EYS: variants seen among roughly 807,000 people sequenced by gnomAD.
The protein encoded by EYS is EGF-like photoreceptor maintenance factor.
A neutral mutation model predicts 282.1 loss-of-function variants in EYS; 250 were observed. That is an observed-to-expected ratio of 0.89 (90% CI 0.80 to 0.98). The LOEUF (loss-of-function observed/expected upper bound fraction) is 0.98. Ranked by LOEUF, EYS falls within the 50% of genes least tolerant of loss-of-function variation. EYS has a pLI of 0.00. For missense variants in EYS, 4,016 were observed against 3,709.0 expected (o/e 1.08, Z -2.15); for synonymous variants, 1,355 against 1,282.9 (o/e 1.06, Z -1.20).
At chr6:63,884,320 T>C (rs1581932381) in intron 35 of EYS, among the ~76,000 whole-genome samples, 1 of 151,950 alleles carries the variant, frequency 6.6e-6, no homozygotes, top group South Asian at 2.1e-4. Flanking sequence ...AAAAAAAAAT[T>C]CAAATTTTAG....
At chr6:65,396,606 T>C (rs9363355) in intron 7 of EYS, among the ~76,000 whole-genome samples, 43,377 of 152,004 alleles carry the variant, frequency 0.29, 6,319 homozygotes, top group Middle Eastern at 0.36. Context: ...TTCTGACGGG[T>C]ATATGAGTAA....
chr6:65,174,016 G>A (rs772383921), intron 12 of EYS, among the ~76,000 whole-genome samples: 1 of 150,918 alleles, frequency 6.6e-6, no homozygotes, highest in Non-Finnish European at 1.5e-5. Flanking sequence ...CATAAAGATT[G>A]AATAAAATGA....
intron 29 of EYS, among the ~76,000 whole-genome samples, chr6:64,311,686 A>G (rs1410550772): frequency 1.3e-5 from 2 of 152,196 alleles, no homozygotes; most frequent in East Asian, 1.9e-4. Flanking sequence ...AGTTCATCTC[A>G]TTGGGACTGG....
intron 30 of EYS, among the ~76,000 whole-genome samples, chr6:64,302,598 G>A (rs145040490): frequency 8.6e-5 from 13 of 151,814 alleles, no homozygotes; most frequent in African/African-American, 3.1e-4. Flanking sequence ...TGTCACACGT[G>A]GAATATCCAA....
chr6:64,407,422 A>G (rs189657899), intron 28 of EYS, among the ~76,000 whole-genome samples: 1 of 152,156 alleles, frequency 6.6e-6, no homozygotes, highest in Non-Finnish European at 1.5e-5. Context: ...CATTCTACAC[A>G]TGTACCCCAG....
At chr6:64,369,100 T>C (rs1266489829) in intron 29 of EYS, among the ~76,000 whole-genome samples, 1 of 152,090 alleles carries the variant, frequency 6.6e-6, no homozygotes, top group Non-Finnish European at 1.5e-5. Flanking sequence ...GGAAAGGGTC[T>C]AGTTCCAATC....
chr6:65,271,316 A>C (rs188135974), intron 12 of EYS, among the ~76,000 whole-genome samples: 1 of 151,282 alleles, frequency 6.6e-6, no homozygotes, highest in Non-Finnish European at 1.5e-5. Flanking sequence ...AGGCATGAGA[A>C]CCAGAAGCAC....
intron 29 of EYS, among the ~76,000 whole-genome samples, chr6:64,384,728 T>C (rs2038575470): frequency 1.3e-5 from 2 of 152,142 alleles, no homozygotes; most frequent in Admixed American, 1.3e-4. Context: ...AGGCATTTAC[T>C]CTCAGACCTT....
intron 7 of EYS, among the ~76,000 whole-genome samples, chr6:65,386,613 C>T (rs557625920): frequency 6.6e-6 from 1 of 151,786 alleles, no homozygotes; most frequent in Middle Eastern, 3.2e-3. Flanking sequence ...ACAGAGAAAA[C>T]AAAAGCAAAG....
intron 31 of EYS, among the ~76,000 whole-genome samples, chr6:64,124,451 G>A (rs1284036699): frequency 6.6e-6 from 1 of 152,176 alleles, no homozygotes. Context: ...TGTAACATAT[G>A]GATCTGACCT....
intron 35 of EYS, among the ~76,000 whole-genome samples, chr6:63,876,795 C>CT (rs914651907): frequency 4.0e-5 from 6 of 151,322 alleles, no homozygotes; most frequent in African/African-American, 9.7e-5. Flanking sequence ...GCAACCCCTG[C>CT]TTTTTTTTTG....
intron 15 of EYS, among the ~76,000 whole-genome samples, chr6:64,937,058 T>C (rs1768931407): frequency 6.6e-6 from 1 of 151,496 alleles, no homozygotes; most frequent in South Asian, 2.1e-4. Flanking sequence ...AATAGTATTT[T>C]TAAGAAATTA....
In EYS at chr6:64,591,835, A is replaced by T; in HGVS notation, c.4032T>A (p.Asp1344Glu). 1 of 1,551,312 alleles carries T rather than the reference A, an allele frequency of 6.4e-7. No homozygotes were observed. Among genetic ancestry groups the T allele is most frequent in the South Asian group, 1.2e-5 (1 of 84,048 alleles). The change falls in exon 26 of 43, where the codon GAT (aspartate) becomes GAA (glutamate). Residue 1344 changes from aspartate (D) to glutamate (E), a missense_variant. By Grantham distance (45) the Asp-to-Glu change is conservative. Coordinates refer to ENST00000503581, the MANE Select transcript of EYS (RefSeq NM_001142800.2). ...SAKHSLLSSADVSSSRFLNFG... is the reference protein window; with the variant it reads ...SAKHSLLSSAEVSSSRFLNFG... ...AATTCAGGAATCGAGAAGAGGAAAC[A>T]TCTGCGGAAGAAAGAAGACTGTGTT...
At chr6:65,330,943 G>A in intron 11 of EYS, 1 of 984,248 alleles carries the variant, frequency 1.0e-6, no homozygotes, top group African/African-American at 1.7e-5. Flanking sequence ...ATGTTCAAAT[G>A]AGATTATAGC....
intron 31 of EYS, among the ~76,000 whole-genome samples, chr6:64,092,654 C>T (rs1772412376): frequency 6.6e-6 from 1 of 151,984 alleles, no homozygotes; most frequent in Non-Finnish European, 1.5e-5. Flanking sequence ...TGGATATTAG[C>T]CCTTTGTCAG....
intron 19 of EYS, among the ~76,000 whole-genome samples, chr6:64,842,279 T>A (rs1765585553): frequency 6.6e-6 from 1 of 151,354 alleles, no homozygotes; most frequent in Admixed American, 6.6e-5. Flanking sequence ...GGTATGCCAT[T>A]ATTTTCTTTT....
rs572321467 is a variant in EYS, at chr6:65,056,947, A to C, written c.2137+667T>G. ...TTTGAAGTGAGGCAAACAATCTTAC[A>C]TTTTTCATAAGTAATTATAAGATAC... On this transcript the variant is annotated intron_variant, in intron 13 of 42. Transcript: ENST00000503581. Among the ~76,000 whole-genome samples, 16 of 152,152 alleles carry C rather than the reference A, an allele frequency of 1.1e-4. 1 individual carries two copies. The South Asian group carries it at 3.3e-3, about 32-fold the overall frequency.
chr6:64,212,268 C>T (rs1010792667), intron 31 of EYS, among the ~76,000 whole-genome samples: 4 of 150,842 alleles, frequency 2.7e-5, no homozygotes, highest in Non-Finnish European at 5.9e-5. Flanking sequence ...AATAATTTAC[C>T]GATTAGGTCA....
At chr6:65,332,688 A>C (rs1769839473) in intron 11 of EYS, among the ~76,000 whole-genome samples, 1 of 150,850 alleles carries the variant, frequency 6.6e-6, no homozygotes. Context: ...CTATTTTTGG[A>C]GGAGGTGGTG....
Sources: allele counts gnomAD v4.1 joint callset (sites outside exome capture counted in the v4.1 genomes callset), GRCh38; gene constraint gnomAD v4.1.1; transcripts MANE v1.5; gene names NCBI Gene and HGNC (gene_info 2026-07-23, HGNC 2026-07-21).